ANKRD29: variants seen among roughly 807,000 people sequenced by gnomAD.
ANKRD29 encodes ankyrin repeat domain 29, also known as ankyrin repeat domain-containing protein 29.
A neutral mutation model predicts 38.0 loss-of-function variants in ANKRD29; 32 were observed. The ratio of observed to expected loss-of-function variants is 0.84; its 90% CI spans 0.64 to 1.13. The LOEUF (loss-of-function observed/expected upper bound fraction) is 1.13. ANKRD29 is among the 50% of genes most tolerant of loss of function. The pLI is 0.00. For synonymous variants in ANKRD29, 135 were observed against 152.4 expected, an observed-to-expected ratio of 0.89 and a Z score of 0.84; for missense variants, 357 against 377.9, an observed-to-expected ratio of 0.94 and a Z score of 0.46.
chr18:23,620,855 A>T (rs904054397), intron 6 of ANKRD29, among the ~76,000 whole-genome samples: 1 of 152,176 alleles, frequency 6.6e-6, no homozygotes, highest in African/African-American at 2.4e-5. Flanking sequence ...CCTATGGGAA[A>T]TCAGAAGTGA....
At chr18:23,609,575 C>T (rs572646108) in intron 9 of ANKRD29, among the ~76,000 whole-genome samples, 2 of 152,356 alleles carry the variant, frequency 1.3e-5, no homozygotes, top group Admixed American at 6.5e-5. Flanking sequence ...GGCGGTTACA[C>T]TTGCTTGGAT....
chr18:23,661,597 A>C (rs1350658315), intron 1 of ANKRD29, among the ~76,000 whole-genome samples: 1 of 152,072 alleles, frequency 6.6e-6, no homozygotes, highest in Non-Finnish European at 1.5e-5. Context: ...AATCCCAGCT[A>C]CTCTGGAGGG....
intron 9 of ANKRD29, among the ~76,000 whole-genome samples, chr18:23,610,256 T>A (rs1424287622): frequency 6.6e-6 from 1 of 152,152 alleles, no homozygotes; most frequent in Non-Finnish European, 1.5e-5. Context: ...GGGGGGCGGA[T>A]CACAAGGTCA....
chr18:23,605,459 C>G (rs556011157), intron 9 of ANKRD29, among the ~76,000 whole-genome samples: 2 of 152,084 alleles, frequency 1.3e-5, no homozygotes, highest in African/African-American at 4.8e-5. Context: ...ACCTAGGCCT[C>G]CTGAAGTGCT....
intron 4 of ANKRD29, 49 bp downstream of exon 4, chr18:23,638,788 AGCAATACCCATG>A: frequency 7.5e-7 from 1 of 1,335,524 alleles, no homozygotes; most frequent in East Asian, 2.3e-5. Context: ...TGAGGAGAAA[AGCAATACCCATG>A]GCTGCTGAAA....
chr18:23,643,255 T>G (rs1332020496), intron 3 of ANKRD29, among the ~76,000 whole-genome samples: 20 of 152,170 alleles, frequency 1.3e-4, no homozygotes, highest in Admixed American at 1.3e-3. Flanking sequence ...CTGCCTGCAA[T>G]GCAGGTGTGA....
chr18:23,654,251 C>T (rs1051406883), intron 1 of ANKRD29, among the ~76,000 whole-genome samples: 10 of 149,126 alleles, frequency 6.7e-5, no homozygotes, highest in Non-Finnish European at 7.4e-5. Context: ...GGTGACAGAG[C>T]GAGACTCTGT....
At chr18:23,637,875 C>T (rs530215029) in intron 4 of ANKRD29, among the ~76,000 whole-genome samples, 26 of 152,066 alleles carry the variant, frequency 1.7e-4, no homozygotes, top group Non-Finnish European at 2.9e-4. Context: ...AATCTTACGG[C>T]AGTTCAAATT....
chr18:23,606,109 A>G (rs1244788575), intron 9 of ANKRD29, among the ~76,000 whole-genome samples: 2 of 152,014 alleles, frequency 1.3e-5, no homozygotes, highest in Admixed American at 1.3e-4. Flanking sequence ...GGCAGATAAG[A>G]TCTTGTTTGC....
intron 1 of ANKRD29, among the ~76,000 whole-genome samples, chr18:23,653,996 G>T (rs12957850): frequency 0.44 from 67,293 of 151,880 alleles, 18,162 homozygotes; most frequent in Middle Eastern, 0.61. Flanking sequence ...GGCTGGGTGC[G>T]GTGTCTCACG....
intron 8 of ANKRD29, among the ~76,000 whole-genome samples, chr18:23,614,187 G>A (rs1274174481): frequency 6.6e-6 from 1 of 151,842 alleles, no homozygotes; most frequent in African/African-American, 2.4e-5. Flanking sequence ...TCAAACTCCT[G>A]AGTAGCTGGG....
intron 2 of ANKRD29, 21 bp from the exon 3 acceptor site, chr18:23,646,308 T>C (rs747219280): frequency 6.2e-7 from 1 of 1,608,060 alleles, no homozygotes; most frequent in South Asian, 1.1e-5. Flanking sequence ...GAGAGACAGA[T>C]GAAGAGTTAG....
chr18:23,609,848 A>G (rs1311005677), intron 9 of ANKRD29, among the ~76,000 whole-genome samples: 1 of 152,230 alleles, frequency 6.6e-6, no homozygotes, highest in East Asian at 1.9e-4. Context: ...CTTATCACAC[A>G]GCCAGGCCAG....
chr18:23,639,494 A>G (rs1568037222), intron 3 of ANKRD29, among the ~76,000 whole-genome samples: 2 of 152,024 alleles, frequency 1.3e-5, no homozygotes, highest in Non-Finnish European at 1.5e-5. Flanking sequence ...TAAGCTAGTC[A>G]TAAAAGGCCA....
At position 23,601,046 on chromosome 18, in the gene ANKRD29, G is replaced by A; in HGVS notation, c.*180C>T. On this transcript the variant is annotated 3_prime_UTR_variant, in exon 10 of 10. Coordinates refer to ENST00000592179, the MANE Select transcript of ANKRD29 (RefSeq NM_173505.4). ...ATGGTGAAGGGGCAAGAGGGTCCCT[G>A]AGCTGTTTGGTTCTTGACTTCGTGC... The A allele has an allele frequency of 3.6e-6, 2 of 560,160 alleles. No homozygotes were observed. Among genetic ancestry groups the A allele is most frequent in the South Asian group, 4.5e-5 (2 of 44,870 alleles). The allele number at this position is 560,160 out of a possible 1,614,324, so 34.7% of individuals were successfully genotyped here.
At chr18:23,633,385 C>T (rs1030345705) in intron 5 of ANKRD29, among the ~76,000 whole-genome samples, 2 of 152,080 alleles carry the variant, frequency 1.3e-5, no homozygotes, top group South Asian at 2.1e-4. Context: ...ATCCAATGAG[C>T]GCATTTAGAA....
intron 1 of ANKRD29, among the ~76,000 whole-genome samples, chr18:23,650,637 C>A (rs2060198938): frequency 6.6e-6 from 1 of 152,116 alleles, no homozygotes; most frequent in African/African-American, 2.4e-5. Context: ...GACAGCTCAC[C>A]CCAGCCCTGC....
rs1455115588 is a variant in ANKRD29, at chr18:23,619,545, C to A, written c.613G>T (p.Asp205Tyr). The A allele has an allele frequency of 3.8e-6, 6 of 1,593,302 alleles. No homozygotes were observed. Among genetic ancestry groups the A allele is most frequent in the Non-Finnish European group, 5.1e-6 (6 of 1,177,554 alleles). Reference sequence around the variant, plus strand: ...CGGGCACTCACGTTCCGCGCAGCGTCGCGGTCGGCTCCGCGCAGCAGCATC... The same window carrying A: ...CGGGCACTCACGTTCCGCGCAGCGTAGCGGTCGGCTCCGCGCAGCAGCATC... ...RVMLLRGADR[D>Y]AARNDGTTAL... Residue 205 changes from aspartate (D) to tyrosine (Y), a missense_variant, in exon 7 of 10, where the codon GAC (aspartate) becomes TAC (tyrosine). Asp to Tyr is a radical substitution (Grantham distance 160). Transcript: ENST00000592179.
intron 9 of ANKRD29, among the ~76,000 whole-genome samples, chr18:23,603,017 G>A (rs1488791993): frequency 6.6e-6 from 1 of 152,164 alleles, no homozygotes; most frequent in East Asian, 1.9e-4. Context: ...GTGATATGCT[G>A]TTTTGGTAGA....
Sources: gnomAD v4.1 joint callset for allele counts (sites outside exome capture counted in the v4.1 genomes callset) on GRCh38, gnomAD v4.1.1 for gene constraint, MANE v1.5 for transcripts, NCBI Gene and HGNC (gene_info 2026-07-23, HGNC 2026-07-21) for gene names.